The following NBAS variants were observed in gnomAD, a reference collection of about 807,000 sequenced individuals.
NBAS encodes NAG/BC035112 fusion.
Under a neutral mutation model 302.5 loss-of-function variants are expected in NBAS, and 219 were observed. The observed-to-expected ratio is 0.72, with a 90% CI of 0.65 to 0.81. The LOEUF (loss-of-function observed/expected upper bound fraction) is 0.81, where lower values mean the gene tolerates loss of function less well. Ranked by LOEUF, NBAS falls within the 30% of genes least tolerant of loss-of-function variation. NBAS has a pLI of 0.00. For synonymous variants in NBAS, 1,118 were observed against 1,021.6 expected (o/e 1.09, Z -1.80); for missense variants, 2,932 against 2,841.6 (o/e 1.03, Z -0.72).
At chr2:14,974,373 A>T in the NBAS span, among the ~76,000 whole-genome samples, 1 of 152,214 alleles carries the variant, frequency 6.6e-6, no homozygotes, top group Non-Finnish European at 1.5e-5. Context: ...TTTGGAGTGG[A>T]CATGGCATGG....
chr2:15,302,976 G>T (rs537536653), intron 40 of NBAS, among the ~76,000 whole-genome samples: 1 of 152,170 alleles, frequency 6.6e-6, no homozygotes, highest in Non-Finnish European at 1.5e-5. Flanking sequence ...TACACCAGTG[G>T]TTTGTTAGTG....
chr2:14,804,609 T>C, the NBAS span, among the ~76,000 whole-genome samples: 6 of 152,372 alleles, frequency 3.9e-5, no homozygotes, highest in South Asian at 1.2e-3. Context: ...TCAGTATTTG[T>C]TAATTCAGTT....
At position 15,308,282 on chromosome 2, in the gene NBAS, G is replaced by GT; in HGVS notation, c.4730dup (p.Tyr1577Ter). Reference sequence around the variant, plus strand: ...ATCGGGCATAGATCTGGAGGCTATAGTAATACGCTGCCAGCTGGAGAGATA... The same window carrying GT: ...ATCGGGCATAGATCTGGAGGCTATAGTTAATACGCTGCCAGCTGGAGAGATA... ...SALSLQLAAY[Y>*]YSLQIYARLA... The change falls in exon 40 of 52, where the codon TAC (tyrosine) becomes TAAC (stop). Residue 1577 changes from tyrosine to a stop codon, truncating the protein, a stop_gained and frameshift_variant. Transcript: ENST00000281513. LOFTEE classifies it high-confidence loss of function. 1 of 1,614,198 alleles carries GT rather than the reference G, an allele frequency of 6.2e-7. No individual in the cohort carries two copies. Among genetic ancestry groups the GT allele is most frequent in the Non-Finnish European group, 8.5e-7 (1 of 1,180,030 alleles).
the NBAS span, among the ~76,000 whole-genome samples, chr2:15,155,052 C>T: frequency 5.9e-5 from 9 of 152,240 alleles, no homozygotes; most frequent in South Asian, 1.0e-3. Flanking sequence ...AGCTCTGTCA[C>T]GTAACTAGCT....
chr2:14,788,959 C>T, the NBAS span, among the ~76,000 whole-genome samples: 7 of 152,340 alleles, frequency 4.6e-5, no homozygotes, highest in South Asian at 2.1e-4. Flanking sequence ...GGCAGGCAGG[C>T]GTCCTTGAGC....
At chr2:15,410,992 C>T (rs564953112) in intron 25 of NBAS, among the ~76,000 whole-genome samples, 173 of 152,280 alleles carry the variant, frequency 1.1e-3, no homozygotes, top group Admixed American at 3.6e-3. Flanking sequence ...TCTCCCTCTG[C>T]GGATGGTACT....
chr2:15,473,134 A>G, intron 16 of NBAS, 88 bp downstream of exon 16: 1 of 1,444,204 alleles, frequency 6.9e-7, no homozygotes, highest in Non-Finnish European at 9.6e-7. Flanking sequence ...AAAGTCAGCA[A>G]TGTAAAGTAC....
the NBAS span, among the ~76,000 whole-genome samples, chr2:14,889,641 C>T: frequency 6.6e-6 from 1 of 152,176 alleles, no homozygotes; most frequent in African/African-American, 2.4e-5. Context: ...AAAAGCCTTC[C>T]AAGATTCTAT....
chr2:15,014,817 AC>A, the NBAS span, among the ~76,000 whole-genome samples: 1 of 152,052 alleles, frequency 6.6e-6, no homozygotes, highest in Non-Finnish European at 1.5e-5. Context: ...TAAAATTGAG[AC>A]CAAAAAATAT....
Position 15,309,162 on chromosome 2 carries a change from C to G in NBAS, c.4659+9G>C. 6.2e-7 allele frequency: 1 copy of G among 1,609,976 alleles called. No homozygotes were observed. ...ATTTTAAATTCTTCATTGGTAAGGG[C>G]AAACTTACTTGTGGTAAGGCAAGAA... is the stretch of plus-strand genomic sequence containing the variant. On this transcript the variant is annotated intron_variant, in intron 39 of 51. Transcript: ENST00000281513.
At chr2:14,956,165 G>A in the NBAS span, among the ~76,000 whole-genome samples, 2 of 152,208 alleles carry the variant, frequency 1.3e-5, no homozygotes, top group African/African-American at 4.8e-5. Flanking sequence ...AGAAAAGCAA[G>A]AGTCACTTTT....
the NBAS span, among the ~76,000 whole-genome samples, chr2:14,969,847 TG>T: frequency 6.6e-6 from 1 of 150,532 alleles, no homozygotes; most frequent in Admixed American, 6.6e-5. Flanking sequence ...CTTCGGGTGG[TG>T]GGGGGGATGG....
chr2:15,222,891 A>T (rs976478162), intron 47 of NBAS, among the ~76,000 whole-genome samples: 2 of 152,356 alleles, frequency 1.3e-5, no homozygotes, highest in South Asian at 4.1e-4. Flanking sequence ...AAATCAAATT[A>T]GTTCCTTTTA....
At chr2:15,274,063 G>C (rs182936769) in intron 44 of NBAS, among the ~76,000 whole-genome samples, 213 of 151,848 alleles carry the variant, frequency 1.4e-3, no homozygotes, top group Middle Eastern at 0.01. Flanking sequence ...CTGGGGGACA[G>C]AGCGAGACTC....
chr2:14,829,596 A>G, the NBAS span, among the ~76,000 whole-genome samples: 2 of 152,168 alleles, frequency 1.3e-5, no homozygotes, highest in Admixed American at 1.3e-4. Context: ...ATGTTGTCCT[A>G]TTACCTTCCC....
chr2:15,399,132 T>C (rs1358169300), intron 26 of NBAS, among the ~76,000 whole-genome samples: 1 of 152,236 alleles, frequency 6.6e-6, no homozygotes, highest in Non-Finnish European at 1.5e-5. Context: ...CTGATTGATA[T>C]TTATGCTATT....
the NBAS span, among the ~76,000 whole-genome samples, chr2:15,098,691 T>C: frequency 1.5e-5 from 2 of 134,044 alleles, no homozygotes; most frequent in East Asian, 4.1e-4. Context: ...TTATATATTG[T>C]ATATAATATA....
intron 23 of NBAS, among the ~76,000 whole-genome samples, chr2:15,420,987 G>A (rs1435118139): frequency 1.3e-5 from 2 of 152,050 alleles, no homozygotes; most frequent in Admixed American, 6.6e-5. Flanking sequence ...TAAATATAAG[G>A]GGGGAACAGT....
the NBAS span, among the ~76,000 whole-genome samples, chr2:15,102,140 CCT>C: frequency 1.3e-5 from 2 of 152,230 alleles, no homozygotes; most frequent in Admixed American, 1.3e-4. Context: ...GGAGAAGCAT[CCT>C]CTGTGTCCAG....
Sources: gnomAD v4.1 joint callset for allele counts (sites outside exome capture counted in the v4.1 genomes callset) on GRCh38, gnomAD v4.1.1 for gene constraint, MANE v1.5 for transcripts, NCBI Gene and HGNC (gene_info 2026-07-23, HGNC 2026-07-21) for gene names.